ATN1: variants seen among roughly 807,000 people sequenced by gnomAD.
The protein encoded by ATN1 is atrophin-1.
In ATN1, 19 loss-of-function variants were observed where a neutral mutation model predicts 85.8. That is an observed-to-expected ratio of 0.22 (90% CI 0.15 to 0.32). The LOEUF is 0.32. Ranked by LOEUF, ATN1 falls within the 10% of genes least tolerant of loss-of-function variation. ATN1 has a pLI of 1.00. For synonymous variants in ATN1, 674 were observed against 657.0 expected (o/e 1.03, Z -0.39); for missense variants, 1,453 against 1,564.5 (o/e 0.93, Z 1.20).
chr12:6,938,021 A>G lies in ATN1; in HGVS notation c.2471A>G (p.Glu824Gly). Residue 824 changes from glutamate (E) to glycine (G), a missense_variant, in exon 6 of 10, where the codon GAG (glutamate) becomes GGG (glycine). Glu to Gly is a moderately conservative substitution (Grantham distance 98, BLOSUM62 -2). This residue lies in a region of ATN1 where 990 missense variants were observed against 914.8 expected (regional missense o/e 1.08). Transcript: ENST00000396684. ...EKERERERER[E>G]KEREREKERE... ...GAGCGCGAGCGCGAGCGGGAACGCGAGAAAGAGCGCGAGCGCGAGAAGGAG... is the reference window on the plus strand; with the variant it reads ...GAGCGCGAGCGCGAGCGGGAACGCGGGAAAGAGCGCGAGCGCGAGAAGGAG... The G allele has an allele frequency of 6.5e-7, 1 of 1,546,848 alleles. No individual in the cohort carries two copies. Among genetic ancestry groups the G allele is most frequent in the Non-Finnish European group, 8.7e-7 (1 of 1,146,354 alleles).
chr12:6,927,599 CCCTCGG>C (rs1194554001), upstream of ATN1, among the ~76,000 whole-genome samples: 3 of 151,504 alleles, frequency 2.0e-5, no homozygotes, highest in Non-Finnish European at 3.0e-5. Flanking sequence ...CGCCCCGGCC[CCCTCGG>C]CCTCGGCCTC....
In ATN1 at chr12:6,937,198, C is replaced by T. The variant is rs781978577; in HGVS notation, c.1931C>T (p.Pro644Leu). The T allele has an allele frequency of 7.4e-6, 12 of 1,611,382 alleles. No individual in the cohort carries two copies. The South Asian group carries it at 8.8e-5, about 12-fold the overall frequency. Residue 644 changes from proline (P) to leucine (L), a missense_variant, in exon 5 of 10, where the codon CCG (proline) becomes CTG (leucine). Physicochemically the swap from Pro to Leu is moderately conservative, Grantham distance 98. Coordinates refer to ENST00000396684, the MANE Select transcript of ATN1 (RefSeq NM_001940.4). The surrounding 1 kb of genome is among the most constrained non-coding windows in gnomAD (Gnocchi z 6.0). ...CCCCCACCGTACGGAAAGAGAGCCC[C>T]GTCCCCGGGGGCCTACAAGACAGCC... ...PGPPPYGKRA[P>L]SPGAYKTATP... is the part of the protein sequence containing the mutation.
At position 6,936,439 on chromosome 12, in the gene ATN1, C is replaced by A. The variant is rs781783154; in HGVS notation, c.1172C>A (p.Ser391Tyr). The change falls in exon 5 of 10, where the codon TCC becomes TAC. Residue 391 changes from serine to tyrosine, a missense_variant. Ser to Tyr is a moderately radical substitution (Grantham distance 144). This residue lies in a region of ATN1 where 990 missense variants were observed against 914.8 expected (regional missense o/e 1.08). Transcript: ENST00000396684. The part of the protein sequence containing the change: ...SSAAASSSSS[S>Y]SSSSASPFPA... ...GCAGCAGCCTCCTCTTCCAGTTCTT[C>A]CTCCTCTTCCTCTGCCTCCCCCTTC... 3 of 1,611,640 alleles carry A rather than the reference C, an allele frequency of 1.9e-6. No individual in the cohort carries two copies. The South Asian group carries it at 3.3e-5, about 18-fold the overall frequency.
At position 6,937,792 on chromosome 12, in the gene ATN1, C is replaced by A; in HGVS notation, c.2295-53C>A. 2.7e-6 allele frequency: 4 copies of A among 1,491,600 alleles called. No individual in the cohort carries two copies. The highest frequency in any genetic ancestry group is 3.6e-6 in the Non-Finnish European group (4 of 1,120,366). The allele number at this position is 1,491,600 out of a possible 1,614,324, so 92.4% of individuals were successfully genotyped here. ...CTCGCCGGGGCCGCGGCGCTGCGGG[C>A]TCCATCGGGCAGCTCGCACCGCCTG... On this transcript the variant is annotated intron_variant, in intron 5 of 9. Coordinates refer to ENST00000396684, the MANE Select transcript of ATN1 (RefSeq NM_001940.4). The surrounding 1 kb of genome is among the most constrained non-coding windows in gnomAD (Gnocchi z 6.0).
Position 6,934,051 on chromosome 12 carries a change from A to G in ATN1, c.27+23A>G. 6.2e-7 allele frequency: 1 copy of G among 1,610,944 alleles called. No homozygotes were observed. The highest frequency in any genetic ancestry group is 8.5e-7 in the Non-Finnish European group (1 of 1,178,398). On this transcript the variant is annotated intron_variant, in intron 2 of 9. Transcript: ENST00000396684. This position sits in a 1 kb window ranked among gnomAD's most constrained non-coding sequence, Gnocchi z 4.5. ...TCGGTGAGTTAAAATGAGAGACATGAAAGATGAGGGGCGGGGCAGGCAAGC... is the reference window on the plus strand; with the variant it reads ...TCGGTGAGTTAAAATGAGAGACATGGAAGATGAGGGGCGGGGCAGGCAAGC...
In ATN1 at chr12:6,939,052, G is replaced by A. The variant is rs1264318827; in HGVS notation, c.3089G>A (p.Arg1030Lys). The change falls in exon 7 of 10, where the codon AGG (arginine) becomes AAG (lysine). Residue 1030 changes from arginine (R) to lysine (K), a missense_variant. Transcript: ENST00000396684. ...GCAGCTGAGAGGCAGCACGCAGAAAGGGTGGCGGCCCTGGGCAATGACCCA... is the reference window on the plus strand; with the variant it reads ...GCAGCTGAGAGGCAGCACGCAGAAAAGGTGGCGGCCCTGGGCAATGACCCA... ...RLAAERQHAE[R>K]VAALGNDPLA... is the part of the protein sequence containing the mutation. 2 of 1,606,458 alleles carry A rather than the reference G, an allele frequency of 1.2e-6. No individual in the cohort carries two copies. The highest frequency in any genetic ancestry group is 1.7e-6 in the Non-Finnish European group (2 of 1,179,990).
chr12:6,935,089 T>C lies in ATN1; in HGVS notation c.280-458T>C, dbSNP rs1555143407. On this transcript the variant is annotated intron_variant, in intron 4 of 9. Coordinates refer to ENST00000396684, the MANE Select transcript of ATN1 (RefSeq NM_001940.4). This position sits in a 1 kb window ranked among gnomAD's most constrained non-coding sequence, Gnocchi z 5.3. ...TTTTGGTAGAGACAGTGTTTCACCA[T>C]GTTGGCCAGGCTGGTTTGGAACTCC... is the stretch of plus-strand genomic sequence containing the variant. Among the ~76,000 whole-genome samples, 1 of 152,152 alleles carries C rather than the reference T, an allele frequency of 6.6e-6. No homozygotes were observed. The highest frequency in any genetic ancestry group is 1.5e-5 in the Non-Finnish European group (1 of 68,026).
chr12:6,936,617 C>T lies in ATN1; in HGVS notation c.1350C>T (p.Arg450=), dbSNP rs782498743. The change falls in exon 5 of 10, where the codon CGC becomes CGT. Residue 450 remains arginine (R), a synonymous_variant. Transcript: ENST00000396684. ...QGPPPPPPYG[R]LLANSNAHPG... The stretch of plus-strand genomic sequence containing the variant: ...CCCCACCACCTCCTCCCTATGGCCG[C>T]CTCTTAGCCAACAGCAATGCCCATC... The T allele has an allele frequency of 5.0e-6, 8 of 1,612,854 alleles. No homozygotes were observed. In the South Asian group the frequency reaches 5.5e-5, roughly 11 times the overall value.
chr12:6,927,249 C>T (rs1565562232), upstream of ATN1, among the ~76,000 whole-genome samples: 1 of 151,570 alleles, frequency 6.6e-6, no homozygotes, highest in Non-Finnish European at 1.5e-5. Flanking sequence ...TTTCTCTCTC[C>T]TTATGACCCC....
rs1945496376 is a variant in ATN1, at chr12:6,933,881, C to T, written c.-121C>T. ...ATCCTGCAAAAGTTCCAGGTGCCCA[C>T]ACTGGAAACTTGGAGATCCTGCTTC... On this transcript the variant is annotated 5_prime_UTR_variant, in exon 2 of 10. Transcript: ENST00000396684. 5 of 1,228,844 alleles carry T rather than the reference C, an allele frequency of 4.1e-6. No individual in the cohort carries two copies. Among genetic ancestry groups the T allele is most frequent in the Admixed American group, 2.3e-5 (1 of 44,276 alleles). 76.1% of individuals were successfully genotyped at this position (1,228,844 alleles called of 1,614,324 possible). A position where few individuals can be genotyped will look rare whatever the true frequency, so the allele number is the denominator to read the frequency against.
intron 7 of ATN1, among the ~76,000 whole-genome samples, chr12:6,940,605 A>G (rs1192419834): frequency 1.3e-5 from 2 of 151,612 alleles, no homozygotes; most frequent in African/African-American, 4.9e-5. Context: ...ATCATCTTCC[A>G]CCTTCTTCAC....
intron 1 of ATN1, among the ~76,000 whole-genome samples, chr12:6,931,068 G>A (rs1454554408): frequency 6.6e-6 from 1 of 152,044 alleles, no homozygotes; most frequent in African/African-American, 2.4e-5. Context: ...CTCATTGCTA[G>A]TTTTTATCAG....
At chr12:6,931,408 T>TG (rs1945461472) in intron 1 of ATN1, among the ~76,000 whole-genome samples, 2 of 119,442 alleles carry the variant, frequency 1.7e-5, no homozygotes, top group Admixed American at 9.1e-5. Flanking sequence ...TAGCTGTAGT[T>TG]GAAAAAAAAA....
Position 6,935,526 on chromosome 12 carries a change from T to C in ATN1, c.280-21T>C. The C allele has an allele frequency of 1.3e-6, 2 of 1,597,670 alleles. No homozygotes were observed. The highest frequency in any genetic ancestry group is 2.2e-5 in the East Asian group (1 of 44,612). On this transcript the variant is annotated intron_variant, in intron 4 of 9. Transcript: ENST00000396684. This position sits in a 1 kb window ranked among gnomAD's most constrained non-coding sequence, Gnocchi z 5.3. ...AAGCAGGAAAGGAAAAGAGAAAAAA[T>C]GAGTCTTCCCTTTTCTACAGCAGGA...
rs1339578212 is a variant in ATN1, at chr12:6,937,851, C to G, written c.2301C>G (p.Asn767Lys). Reference protein sequence around the residue: ...PSHASQSARFNKHLDRGFNSC... With the variant: ...PSHASQSARFKKHLDRGFNSC... ...CTGCTTCCACGCCCGGCAGGTTCAA[C>G]AAACACCTGGATCGCGGCTTCAACT... The change falls in exon 6 of 10, where the codon AAC (asparagine) becomes AAG (lysine). Residue 767 changes from asparagine (N) to lysine (K), a missense_variant. Transcript: ENST00000396684. This position sits in a 1 kb window ranked among gnomAD's most constrained non-coding sequence, Gnocchi z 6.0. 1.3e-6 allele frequency: 2 copies of G among 1,571,376 alleles called. No homozygotes were observed. The highest frequency in any genetic ancestry group is 1.7e-6 in the Non-Finnish European group (2 of 1,159,372).
rs1245963888 is a variant in ATN1 at position 6,935,825 on chromosome 12, T to C, written c.558T>C (p.His186=). The C allele has an allele frequency of 9.9e-6, 16 of 1,613,164 alleles. No homozygotes were observed. The East Asian group carries it at 1.1e-4, about 11-fold the overall frequency. Residue 186 remains histidine, a synonymous_variant, in exon 5 of 10, where the codon CAT becomes CAC. Transcript: ENST00000396684. The surrounding 1 kb of genome is among the most constrained non-coding windows in gnomAD (Gnocchi z 5.3). ...AGCCAGAGGCTAGCTTTGAACCCCA[T>C]CCTTCTGTGACACCCACTGGATATC... ...PRQPEASFEP[H]PSVTPTGYHA... is the part of the protein sequence containing the mutation.
chr12:6,940,468 A>G (rs1489099226), intron 7 of ATN1, among the ~76,000 whole-genome samples: 1 of 151,932 alleles, frequency 6.6e-6, no homozygotes, highest in African/African-American at 2.4e-5. Flanking sequence ...GGGTTTCACC[A>G]TCTTGGCCAG....
chr12:6,941,127 G>C lies in ATN1; in HGVS notation c.3358+104G>C. On this transcript the variant is annotated intron_variant, in intron 8 of 9. Transcript: ENST00000396684. The surrounding 1 kb of genome is among the most constrained non-coding windows in gnomAD (Gnocchi z 5.9). ...GTTGGGCTTGGGGAGGGATGAGGAG[G>C]TGCCTAGAGGAGCTGGGCATGGGAA... is the stretch of plus-strand genomic sequence containing the variant. 1.4e-6 allele frequency: 2 copies of C among 1,420,830 alleles called. No homozygotes were observed. Among genetic ancestry groups the C allele is most frequent in the Non-Finnish European group, 1.9e-6 (2 of 1,048,056 alleles). 88.0% of individuals were successfully genotyped at this position (1,420,830 alleles called of 1,614,324 possible). A position where few individuals can be genotyped will look rare whatever the true frequency, so the allele number is the denominator to read the frequency against.
intron 1 of ATN1, among the ~76,000 whole-genome samples, chr12:6,933,209 C>T (rs35469589): frequency 0.28 from 43,208 of 151,672 alleles, 6,125 homozygotes; most frequent in Middle Eastern, 0.39. Flanking sequence ...ACTTCAATGT[C>T]ATTTCTTTTT....
Sources: gnomAD v4.1 joint callset for allele counts (sites outside exome capture counted in the v4.1 genomes callset) on GRCh38, gnomAD v4.1.1 for gene constraint, gnomAD v4.1.1 regional missense constraint, Gnocchi (gnomAD v3.1) non-coding constraint, MANE v1.5 for transcripts, NCBI Gene and HGNC (gene_info 2026-07-23, HGNC 2026-07-21) for gene names.